The following WWC2 variants were observed in gnomAD, a reference collection of about 807,000 sequenced individuals.
The protein encoded by WWC2 is WW and C2 domain containing 2, also known as protein WWC2.
In WWC2, 101 loss-of-function variants were observed where a neutral mutation model predicts 138.5. The ratio of observed to expected loss-of-function variants is 0.73; its 90% CI spans 0.62 to 0.86. The LOEUF (loss-of-function observed/expected upper bound fraction) is 0.86, where lower values mean the gene tolerates loss of function less well. Ranked by LOEUF, WWC2 falls within the 40% of genes least tolerant of loss-of-function variation. The pLI is 0.00. For missense variants in WWC2, 1,420 were observed against 1,419.4 expected (o/e 1.00, Z -0.01); for synonymous variants, 558 against 538.4 (o/e 1.04, Z -0.50).
At chr4:183,155,426 T>C (rs1177718096) in intron 1 of WWC2, among the ~76,000 whole-genome samples, 1 of 152,184 alleles carries the variant, frequency 6.6e-6, no homozygotes, top group East Asian at 1.9e-4. Flanking sequence ...AACTTGAACC[T>C]GATTCTTTAT....
Position 183,265,093 on chromosome 4 carries a change from A to G in WWC2, c.2025A>G (p.Glu675=). The part of the protein sequence containing the change: ...ESVAGDSGVY[E]AFVKQPSEME... ...TGGCTGGAGACAGTGGGGTCTATGA[A>G]GCTTTCGTGAAACAGTAAGGATTCA... Residue 675 remains glutamate, a synonymous_variant, in exon 12 of 23, where the codon GAA becomes GAG. Coordinates refer to ENST00000403733, the MANE Select transcript of WWC2 (RefSeq NM_024949.6). 1 of 1,608,426 alleles carries G rather than the reference A, an allele frequency of 6.2e-7. No individual in the cohort carries two copies. Among genetic ancestry groups the G allele is most frequent in the South Asian group, 1.1e-5 (1 of 89,680 alleles).
chr4:183,146,122 G>A (rs1339355986), intron 1 of WWC2, among the ~76,000 whole-genome samples: 1 of 152,184 alleles, frequency 6.6e-6, no homozygotes, highest in East Asian at 1.9e-4. Context: ...TTTGGAGGCA[G>A]TTGCAAAAAT....
At position 183,104,144 on chromosome 4, in the gene WWC2, T is replaced by C. The variant is rs1476824527; in HGVS notation, c.131+4522T>C. Among the ~76,000 whole-genome samples the C allele has an allele frequency of 3.3e-5, 5 of 152,204 alleles. No individual in the cohort carries two copies. In the East Asian group the frequency reaches 5.8e-4, roughly 18 times the overall value. On this transcript the variant is annotated intron_variant, in intron 1 of 22. Coordinates refer to ENST00000403733, the MANE Select transcript of WWC2 (RefSeq NM_024949.6). ...CCAGCTAATTTTTCGTAGTTTTTTT[T>C]AGTAGAGGTGGCGTTTCATCATGTT...
chr4:183,173,838 G>A lies in WWC2; in HGVS notation c.132-19761G>A, dbSNP rs150655629. Among the ~76,000 whole-genome samples the A allele has an allele frequency of 5.3e-5, 8 of 152,164 alleles. No homozygotes were observed. In the East Asian group the frequency reaches 7.7e-4, roughly 15 times the overall value. On this transcript the variant is annotated intron_variant, in intron 1 of 22. Transcript: ENST00000403733. ...CTTTGGTATTGTTTTTTATTGCAGC[G>A]TTATCTAGCCTGTCCTACTGAGACA...
At chr4:183,218,713 C>G (rs1433231010) in intron 4 of WWC2, among the ~76,000 whole-genome samples, 1 of 152,080 alleles carries the variant, frequency 6.6e-6, no homozygotes, top group African/African-American at 2.4e-5. Flanking sequence ...AGGCGGAGAC[C>G]CAGGAAAGCT....
chr4:183,255,982 A>C (rs528912787), intron 9 of WWC2, among the ~76,000 whole-genome samples: 1 of 151,558 alleles, frequency 6.6e-6, no homozygotes, highest in South Asian at 2.1e-4. Context: ...TTATTTATTT[A>C]GTGAGATCCA....
intron 4 of WWC2, among the ~76,000 whole-genome samples, chr4:183,211,200 T>C (rs900559010): frequency 1.3e-5 from 2 of 152,214 alleles, no homozygotes; most frequent in Non-Finnish European, 2.9e-5. Context: ...TATTTGAACC[T>C]GGGTGCAGTG....
intron 1 of WWC2, among the ~76,000 whole-genome samples, chr4:183,100,401 G>A (rs1743139695): frequency 6.6e-6 from 1 of 152,168 alleles, no homozygotes; most frequent in African/African-American, 2.4e-5. Flanking sequence ...GTTCACAAAT[G>A]TTTCTGTGTC....
intron 1 of WWC2, among the ~76,000 whole-genome samples, chr4:183,146,005 T>TGACACAACTA (rs1733444950): frequency 6.6e-6 from 1 of 152,240 alleles, no homozygotes; most frequent in South Asian, 2.1e-4. Flanking sequence ...ATGACACATG[T>TGACACAACTA]AGAATAAACT....
intron 5 of WWC2, among the ~76,000 whole-genome samples, 180 bp from the exon 6 acceptor site, chr4:183,245,225 TAAAAAAAAAAA>T (rs746541290): frequency 7.2e-5 from 5 of 69,478 alleles, no homozygotes; most frequent in South Asian, 5.4e-4. Flanking sequence ...AGACTCCATC[TAAAAAAAAAAA>T]AAAAAAAAAA....
At chr4:183,203,112 T>C (rs1735347101) in intron 2 of WWC2, among the ~76,000 whole-genome samples, 1 of 152,014 alleles carries the variant, frequency 6.6e-6, no homozygotes, top group African/African-American at 2.4e-5. Context: ...GGATATTACA[T>C]CTCAGTTCTT....
Position 183,179,661 on chromosome 4 carries a change from G to A in WWC2, c.132-13938G>A, listed in dbSNP as rs192013949. Among the ~76,000 whole-genome samples, 8 of 152,216 alleles carry A rather than the reference G, an allele frequency of 5.3e-5. No individual in the cohort carries two copies. The East Asian group carries it at 9.6e-4, about 18-fold the overall frequency. On this transcript the variant is annotated intron_variant, in intron 1 of 22. Transcript: ENST00000403733. The stretch of plus-strand genomic sequence containing the variant: ...CATTTTCCAAACAGGTCATTTGGGG[G>A]AGGAATGGGACTGGGGAAGTGGTCA...
chr4:183,203,357 C>T (rs1383839833), intron 2 of WWC2, among the ~76,000 whole-genome samples: 3 of 151,962 alleles, frequency 2.0e-5, no homozygotes, highest in Non-Finnish European at 4.4e-5. Flanking sequence ...CGCATTATCA[C>T]CCAGGTGGTA....
intron 1 of WWC2, among the ~76,000 whole-genome samples, chr4:183,172,517 AG>A (rs1229827017): frequency 6.8e-6 from 1 of 146,020 alleles, no homozygotes; most frequent in African/African-American, 2.5e-5. Flanking sequence ...TGTATATTCC[AG>A]TGTTGTGTTT....
At chr4:183,236,536 C>T (rs1454896047) in intron 4 of WWC2, among the ~76,000 whole-genome samples, 1 of 152,186 alleles carries the variant, frequency 6.6e-6, no homozygotes, top group Non-Finnish European at 1.5e-5. Flanking sequence ...AGTATGGCCA[C>T]TGGGATTGGC....
At chr4:183,108,513 A>G (rs1732119051) in intron 1 of WWC2, among the ~76,000 whole-genome samples, 1 of 152,180 alleles carries the variant, frequency 6.6e-6, no homozygotes, top group Middle Eastern at 3.2e-3. Flanking sequence ...AGACACCAAG[A>G]CTAAATGTAA....
intron 1 of WWC2, among the ~76,000 whole-genome samples, chr4:183,168,224 C>T (rs1452097958): frequency 4.1e-5 from 6 of 145,038 alleles, no homozygotes; most frequent in South Asian, 2.2e-4. Flanking sequence ...GTAACTACTG[C>T]GAGATACAAA....
intron 16 of WWC2, among the ~76,000 whole-genome samples, chr4:183,278,002 T>C (rs1348873725): frequency 6.6e-6 from 1 of 151,954 alleles, no homozygotes; most frequent in Non-Finnish European, 1.5e-5. Flanking sequence ...TTTGTCAATT[T>C]TGGCTTTTGT....
At chr4:183,106,701 T>C (rs1209567716) in intron 1 of WWC2, among the ~76,000 whole-genome samples, 1 of 152,244 alleles carries the variant, frequency 6.6e-6, no homozygotes, top group Non-Finnish European at 1.5e-5. Flanking sequence ...TGTATCTGGC[T>C]TCTTTTTTTC....
Sources: gnomAD v4.1 joint callset for allele counts (sites outside exome capture counted in the v4.1 genomes callset) on GRCh38, gnomAD v4.1.1 for gene constraint, MANE v1.5 for transcripts, NCBI Gene and HGNC (gene_info 2026-07-23, HGNC 2026-07-21) for gene names.